SNX5: variants seen among roughly 807,000 people sequenced by gnomAD.
SNX5 encodes sorting nexin-5.
In SNX5, 31 loss-of-function variants were observed where a neutral mutation model predicts 53.9. That is an observed-to-expected ratio of 0.58 (90% confidence interval 0.43 to 0.78). The LOEUF (loss-of-function observed/expected upper bound fraction) is 0.78. SNX5 is among the 30% of genes least tolerant of loss of function. The pLI is 0.00. For synonymous variants in SNX5, 168 were observed against 171.1 expected, an observed-to-expected ratio of 0.98 and a Z score of 0.14; for missense variants, 471 against 478.8, an observed-to-expected ratio of 0.98 and a Z score of 0.15.
intron 1 of SNX5, chr20:17,967,962 GGT>G (rs2122449865): frequency 2.5e-6 from 1 of 397,660 alleles, no homozygotes; most frequent in East Asian, 3.6e-5. Context: ...CTCAGTAAAA[GGT>G]GGGGGGAAGG....
At position 17,952,668 on chromosome 20, in the gene SNX5, T is replaced by G; in HGVS notation, c.432A>C (p.Glu144Asp). Residue 144 changes from glutamate (E) to aspartate (D), a missense_variant, in exon 5 of 13, where the codon GAA (glutamate) becomes GAC (aspartate). Transcript: ENST00000377759. ...GAGAAGAAAGCCGCTGAAGAAAGAC[T>G]TCATGGGAGGACACAGTCTTCTTAA... ...AVFKKTVSSH[E>D]VFLQRLSSHP... is the part of the protein sequence containing the mutation. The G allele has an allele frequency of 6.2e-7, 1 of 1,614,080 alleles. No homozygotes were observed. The highest frequency in any genetic ancestry group is 8.5e-7 in the Non-Finnish European group (1 of 1,179,986).
At chr20:17,961,322 G>C (rs530021129) in intron 1 of SNX5, 21 of 985,264 alleles carry the variant, frequency 2.1e-5, no homozygotes, top group African/African-American at 3.5e-5. Context: ...AGGGCACCTG[G>C]ATGACTGAAC....
chr20:17,958,873 G>A (rs1481999448), intron 1 of SNX5, among the ~76,000 whole-genome samples: 2 of 152,128 alleles, frequency 1.3e-5, no homozygotes, highest in African/African-American at 2.4e-5. Context: ...CTATACCAAC[G>A]ACTCTACTGA....
Position 17,962,909 on chromosome 20 carries a change from C to T in SNX5, c.51+5466G>A, listed in dbSNP as rs570858698. 38 of 518,746 alleles carry T rather than the reference C, an allele frequency of 7.3e-5. 1 individual carries two copies. The highest frequency in any genetic ancestry group is 1.1e-4 in the Non-Finnish European group (29 of 259,892). The allele number at this position is 518,746 out of a possible 1,614,324, so 32.1% of individuals were successfully genotyped here. A position where few individuals can be genotyped will look rare whatever the true frequency, so the allele number is the denominator to read the frequency against. ...GAGGCTTGGAAGAAGGTCAGTGCAG[C>T]GCACTCAGCGAATGGATAAACTGAA... is the stretch of plus-strand genomic sequence containing the variant. On this transcript the variant is annotated intron_variant, in intron 1 of 12. Coordinates refer to ENST00000377759, the MANE Select transcript of SNX5 (RefSeq NM_014426.4).
chr20:17,942,420 A>C lies in SNX5; in HGVS notation c.1165-13T>G, dbSNP rs749245101. ...GGGAGACATTGTTCTGTGGGGAAAA[A>C]AGGCAAGGCAGACCAGTGAATTATT... On this transcript the variant is annotated splice_polypyrimidine_tract_variant and intron_variant, in intron 12 of 12. Transcript: ENST00000377759. 4.4e-6 allele frequency: 7 copies of C among 1,605,708 alleles called. No individual in the cohort carries two copies. The South Asian group carries it at 6.6e-5, about 15-fold the overall frequency.
intron 1 of SNX5, among the ~76,000 whole-genome samples, chr20:17,960,666 A>G (rs2122409054): frequency 6.6e-6 from 1 of 152,002 alleles, no homozygotes; most frequent in African/African-American, 2.4e-5. Flanking sequence ...AATCCCAGCT[A>G]CTCAGGAGGC....
At position 17,947,513 on chromosome 20, in the gene SNX5, C is replaced by A; in HGVS notation, c.1051G>T (p.Glu351Ter). 2 of 1,613,508 alleles carry A rather than the reference C, an allele frequency of 1.2e-6. No individual in the cohort carries two copies. Among genetic ancestry groups the A allele is most frequent in the Middle Eastern group, 3.3e-4 (2 of 6,056 alleles). Reference protein sequence around the residue: ...AHQQECCQKFEQLSESAKEEL... With the variant: ...AHQQECCQKF ...TCTTTTGCAGATTCGGAAAGTTGTT[C>A]AAATTTCTGGCAGCACTCCTGCTGG... Residue 351 changes from glutamate (E) to a stop codon, truncating the protein, a stop_gained, in exon 11 of 13, where the codon GAA becomes TAA. Coordinates refer to ENST00000377759, the MANE Select transcript of SNX5 (RefSeq NM_014426.4). LOFTEE classifies it high-confidence loss of function.
intron 1 of SNX5, among the ~76,000 whole-genome samples, chr20:17,963,716 C>T (rs1256365797): frequency 1.3e-5 from 2 of 152,190 alleles, no homozygotes; most frequent in Admixed American, 1.3e-4. Context: ...TACTGCCTTC[C>T]TTCATGGTCT....
intron 11 of SNX5, chr20:17,947,265 T>C (rs140489219): frequency 3.6e-4 from 184 of 507,440 alleles, no homozygotes; most frequent in African/African-American, 3.1e-3. Flanking sequence ...GCATGACATA[T>C]GCAACTTAAT....
chr20:17,963,069 A>T, intron 1 of SNX5: 1 of 355,732 alleles, frequency 2.8e-6, no homozygotes, highest in Non-Finnish European at 5.6e-6. Context: ...TAATACTTTC[A>T]AATGAATTCA....
intron 1 of SNX5, chr20:17,961,039 T>C (rs1396966991): frequency 6.0e-6 from 4 of 668,722 alleles, no homozygotes; most frequent in Non-Finnish European, 7.4e-6. Context: ...GGAAAGCACA[T>C]TTTCAACTGT....
intron 1 of SNX5, 136 bp downstream of exon 1, chr20:17,968,239 C>A (rs1177422576): frequency 1.5e-6 from 1 of 649,320 alleles, no homozygotes. Context: ...AGGGGCCGCC[C>A]GGGTCTCACG....
intron 12 of SNX5, 37 bp downstream of exon 12, chr20:17,943,073 A>G (rs145873414): frequency 7.2e-7 from 1 of 1,397,726 alleles, no homozygotes; most frequent in South Asian, 1.2e-5. Flanking sequence ...GGAAAAAACC[A>G]TAAAAGATGT....
intron 1 of SNX5, chr20:17,967,842 TACACAACTC>T (rs1303762071): frequency 5.1e-6 from 2 of 389,498 alleles, no homozygotes; most frequent in African/African-American, 4.1e-5. Flanking sequence ...TACTAAAAAT[TACACAACTC>T]CCACAACAAC....
intron 1 of SNX5, among the ~76,000 whole-genome samples, chr20:17,958,779 C>T (rs559388347): frequency 2.0e-5 from 3 of 152,170 alleles, no homozygotes; most frequent in Non-Finnish European, 4.4e-5. Context: ...CTGATAAGAG[C>T]TTCCTTCCTT....
chr20:17,953,955 T>C (rs1481253921), intron 4 of SNX5, 41 bp downstream of exon 4: 2 of 1,544,036 alleles, frequency 1.3e-6, no homozygotes, highest in African/African-American at 1.4e-5. Flanking sequence ...ACCACTTTTC[T>C]ACTTCTCAAA....
At chr20:17,961,521 G>A (rs532802051) in intron 1 of SNX5, 2 of 985,288 alleles carry the variant, frequency 2.0e-6, no homozygotes, top group Non-Finnish European at 2.4e-6. Flanking sequence ...AAATCTAATA[G>A]TCATTTGTAT....
At chr20:17,964,561 A>AT (rs1188498560) in intron 1 of SNX5, among the ~76,000 whole-genome samples, 1 of 152,220 alleles carries the variant, frequency 6.6e-6, no homozygotes, top group Non-Finnish European at 1.5e-5. Flanking sequence ...GAAAACAGGT[A>AT]TTAAGGGTGA....
chr20:17,962,674 G>GCAT, intron 1 of SNX5: 1 of 505,134 alleles, frequency 2.0e-6, no homozygotes, highest in Non-Finnish European at 3.9e-6. Context: ...AGCTACTCAG[G>GCAT]CATCGGCTTA....
Sources: gnomAD v4.1 joint callset for allele counts (sites outside exome capture counted in the v4.1 genomes callset) on GRCh38, gnomAD v4.1.1 for gene constraint, MANE v1.5 for transcripts, NCBI Gene and HGNC (gene_info 2026-07-23, HGNC 2026-07-21) for gene names.